The following TRAPPC9 variants were observed in gnomAD, a reference collection of about 807,000 sequenced individuals.
TRAPPC9 encodes the protein trafficking protein particle complex subunit 9.
TRAPPC9 carries 83 observed loss-of-function variants against 124.0 expected under a neutral mutation model. The observed-to-expected ratio is 0.67, with a 90% confidence interval of 0.56 to 0.80. The LOEUF (loss-of-function observed/expected upper bound fraction) is 0.80. Among genes scored for constraint, TRAPPC9 ranks in the 30% least tolerant of loss-of-function variants. TRAPPC9 has a pLI of 0.00. For missense variants in TRAPPC9, 1,302 were observed against 1,508.3 expected (o/e 0.86, Z 2.27); for synonymous variants, 638 against 617.5 (o/e 1.03, Z -0.49).
chr8:139,958,937 A>C (rs113126934), intron 19 of TRAPPC9, among the ~76,000 whole-genome samples: 19,971 of 90,234 alleles, frequency 0.22, 568 homozygotes, highest in African/African-American at 0.31. Flanking sequence ...ACGGGGGAGC[A>C]CTGCATTCCG....
chr8:140,328,987 A>G (rs2131988284), intron 9 of TRAPPC9, among the ~76,000 whole-genome samples: 1 of 152,300 alleles, frequency 6.6e-6, no homozygotes, highest in South Asian at 2.1e-4. Context: ...GGAAGACAGC[A>G]GCTCCAGCAG....
At chr8:139,953,925 G>T (rs1238991128) in intron 19 of TRAPPC9, among the ~76,000 whole-genome samples, 2 of 152,146 alleles carry the variant, frequency 1.3e-5, no homozygotes, top group East Asian at 3.8e-4. Context: ...GAAAAAGACT[G>T]ACCACATCCA....
chr8:140,047,030 T>A (rs1319378346), intron 17 of TRAPPC9, among the ~76,000 whole-genome samples: 3 of 152,212 alleles, frequency 2.0e-5, no homozygotes, highest in Non-Finnish European at 4.4e-5. Context: ...CTGTGGAAGC[T>A]CTTCTGTGAC....
chr8:140,080,911 G>T (rs1587664255), intron 17 of TRAPPC9, among the ~76,000 whole-genome samples: 2 of 152,146 alleles, frequency 1.3e-5, no homozygotes, highest in South Asian at 4.1e-4. Context: ...AGCACAAAGG[G>T]TTTCATGTCC....
chr8:140,233,395 G>A (rs971838918), intron 16 of TRAPPC9, among the ~76,000 whole-genome samples: 4 of 151,812 alleles, frequency 2.6e-5, no homozygotes, highest in East Asian at 1.9e-4. Flanking sequence ...TAGTAGAGAC[G>A]GGGTTTCACC....
chr8:140,199,283 C>T (rs997386874), intron 17 of TRAPPC9, among the ~76,000 whole-genome samples: 6 of 152,130 alleles, frequency 3.9e-5, no homozygotes, highest in African/African-American at 9.7e-5. Context: ...ATGTTCTTAG[C>T]TGGTAAACCA....
At chr8:140,021,845 G>T (rs1338959494) in intron 18 of TRAPPC9, among the ~76,000 whole-genome samples, 1 of 152,220 alleles carries the variant, frequency 6.6e-6, no homozygotes, top group African/African-American at 2.4e-5. Flanking sequence ...CATGGGTCAA[G>T]GTCAAACAGG....
chr8:140,100,196 A>G (rs1380759635), intron 17 of TRAPPC9: 1 of 141,630 alleles, frequency 7.1e-6, no homozygotes, highest in Admixed American at 7.0e-5. Flanking sequence ...AAAGAGTGCC[A>G]CAATCCTCAG....
At chr8:139,918,670 C>G (rs889868153) in intron 19 of TRAPPC9, among the ~76,000 whole-genome samples, 4 of 152,270 alleles carry the variant, frequency 2.6e-5, no homozygotes, top group African/African-American at 9.6e-5. Flanking sequence ...TCCCAGCCAG[C>G]ACTGCTGTGG....
At chr8:140,221,783 G>A (rs537481185) in intron 16 of TRAPPC9, among the ~76,000 whole-genome samples, 200 bp from the exon 17 acceptor site, 17 of 152,254 alleles carry the variant, frequency 1.1e-4, no homozygotes, top group African/African-American at 1.4e-4. Context: ...GACTAAAGGC[G>A]TGCGCCACCA....
chr8:140,074,427 C>G (rs535375761), intron 17 of TRAPPC9, among the ~76,000 whole-genome samples: 1 of 152,238 alleles, frequency 6.6e-6, no homozygotes, highest in Non-Finnish European at 1.5e-5. Flanking sequence ...TTCCCCGTCC[C>G]TCTTCCTCAT....
intron 17 of TRAPPC9, among the ~76,000 whole-genome samples, chr8:140,049,357 G>C (rs1286769058): frequency 1.3e-5 from 2 of 152,072 alleles, no homozygotes; most frequent in Non-Finnish European, 2.9e-5. Flanking sequence ...AAATCAATAA[G>C]CTGCAACCCA....
At position 139,825,727 on chromosome 8, in the gene TRAPPC9, G is replaced by A. The variant is rs893609006; in HGVS notation, c.3055+60152C>T. Among the ~76,000 whole-genome samples the A allele has an allele frequency of 4.6e-5, 7 of 152,164 alleles. No individual in the cohort carries two copies. The highest frequency in any genetic ancestry group is 1.4e-4 in the African/African-American group (6 of 41,534). On this transcript the variant is annotated intron_variant, in intron 21 of 22. Coordinates refer to ENST00000438773, the MANE Select transcript of TRAPPC9 (RefSeq NM_001160372.4). This position sits in a 1 kb window ranked among gnomAD's most constrained non-coding sequence, Gnocchi z 4.6. ...CAGACGCCCCGTGGAGGATACCGCCGAGCAGCCAGCTTGCCCGGAAGGAAA... is the reference window on the plus strand; with the variant it reads ...CAGACGCCCCGTGGAGGATACCGCCAAGCAGCCAGCTTGCCCGGAAGGAAA...
At chr8:140,065,788 T>C (rs1842869793) in intron 17 of TRAPPC9, among the ~76,000 whole-genome samples, 2 of 152,222 alleles carry the variant, frequency 1.3e-5, no homozygotes, top group African/African-American at 4.8e-5. Context: ...AGACAGCTGA[T>C]GGAGATGTAC....
At chr8:139,963,067 C>T (rs143468588) in intron 19 of TRAPPC9, among the ~76,000 whole-genome samples, 64 of 152,322 alleles carry the variant, frequency 4.2e-4, no homozygotes, top group African/African-American at 1.5e-3. Flanking sequence ...CAATAGAGAA[C>T]TAATACCACT....
At chr8:139,881,550 C>T (rs1482221773) in intron 21 of TRAPPC9, among the ~76,000 whole-genome samples, 1 of 152,178 alleles carries the variant, frequency 6.6e-6, no homozygotes, top group Non-Finnish European at 1.5e-5. Context: ...AAGTCACTCA[C>T]CCACATCTGA....
intron 7 of TRAPPC9, among the ~76,000 whole-genome samples, chr8:140,395,824 G>A (rs2069076640): frequency 6.6e-6 from 1 of 151,866 alleles, no homozygotes; most frequent in Non-Finnish European, 1.5e-5. Context: ...TATGTGAGAA[G>A]CTGAACCTCT....
intron 21 of TRAPPC9, among the ~76,000 whole-genome samples, chr8:139,832,466 G>A (rs1449479111): frequency 6.6e-6 from 1 of 152,210 alleles, no homozygotes; most frequent in Non-Finnish European, 1.5e-5. Flanking sequence ...CCCGAAGCAG[G>A]GGAGGCTGGT....
At chr8:139,793,221 T>C (rs569376632) in intron 21 of TRAPPC9, among the ~76,000 whole-genome samples, 34 of 152,272 alleles carry the variant, frequency 2.2e-4, no homozygotes, top group African/African-American at 8.2e-4. Context: ...TGTCCCCTCC[T>C]CTGCAGCCTT....
Sources: allele counts gnomAD v4.1 joint callset (sites outside exome capture counted in the v4.1 genomes callset), GRCh38; gene constraint gnomAD v4.1.1; non-coding constraint Gnocchi (gnomAD v3.1); transcripts MANE v1.5; gene names NCBI Gene and HGNC (gene_info 2026-07-23, HGNC 2026-07-21).